Variants in SLC36A1 observed in about 807,000 individuals in gnomAD.
The protein encoded by SLC36A1 is proton-coupled amino acid transporter 1.
SLC36A1 carries 30 observed loss-of-function variants against 47.5 expected under a neutral mutation model. That is an observed-to-expected ratio of 0.63 (90% CI 0.47 to 0.86). SLC36A1 has a LOEUF of 0.86. Ranked by LOEUF, SLC36A1 falls within the 40% of genes least tolerant of loss-of-function variation. The pLI, the probability that SLC36A1 is intolerant of heterozygous loss-of-function variation, is 0.00. For missense variants in SLC36A1, 517 were observed against 606.0 expected, an observed-to-expected ratio of 0.85 and a Z score of 1.54; for synonymous variants, 255 against 249.7, an observed-to-expected ratio of 1.02 and a Z score of -0.20.
chr5:151,362,301 T>C, the SLC36A1 span, among the ~76,000 whole-genome samples: 1 of 152,158 alleles, frequency 6.6e-6, no homozygotes, highest in South Asian at 2.1e-4. Flanking sequence ...CCAAGCTCAC[T>C]GTTTCTATAT....
chr5:151,477,235 A>G (rs920474503), intron 9 of SLC36A1, among the ~76,000 whole-genome samples: 2 of 152,156 alleles, frequency 1.3e-5, no homozygotes, highest in African/African-American at 4.8e-5. Flanking sequence ...ATAGTGAGCC[A>G]TTTTGAAATG....
the SLC36A1 span, among the ~76,000 whole-genome samples, chr5:151,426,633 C>G: frequency 6.6e-6 from 1 of 152,096 alleles, no homozygotes; most frequent in African/African-American, 2.4e-5. Context: ...CATTCCATTC[C>G]CAGGGATGAG....
chr5:151,556,029 G>C, the SLC36A1 span, among the ~76,000 whole-genome samples: 1,466 of 152,308 alleles, frequency 9.6e-3, 21 homozygotes, highest in African/African-American at 0.034. Context: ...GATTCTGTCT[G>C]CCTGAGCCAG....
In SLC36A1 at chr5:151,458,326, A is replaced by ACACATACACTTG. The variant is rs1754951532; in HGVS notation, c.-5-462_-5-461insCACATACACTTG. Reference sequence around the variant, plus strand: ...CGTGTATATACGTATATATATATATATATATATGGGATATTTATATATATA... The same window carrying ACACATACACTTG: ...CGTGTATATACGTATATATATATATACACATACACTTGTATATATGGGATATTTATATATATA... On this transcript the variant is annotated intron_variant, in intron 1 of 10. Transcript: ENST00000243389. Among the ~76,000 whole-genome samples the ACACATACACTTG allele has an allele frequency of 2.4e-4, 25 of 103,992 alleles. 1 individual carries two copies. In the East Asian group the frequency reaches 8.7e-3, roughly 36 times the overall value. 68.2% of individuals were successfully genotyped at this position (103,992 alleles called of 152,430 possible).
the SLC36A1 span, among the ~76,000 whole-genome samples, chr5:151,346,027 G>A: frequency 5.9e-5 from 9 of 152,322 alleles, no homozygotes; most frequent in South Asian, 2.1e-4. Context: ...CAACCCCATC[G>A]TTGCCACGCT....
At chr5:151,393,068 T>G in the SLC36A1 span, among the ~76,000 whole-genome samples, 3 of 151,714 alleles carry the variant, frequency 2.0e-5, no homozygotes, top group African/African-American at 7.3e-5. Flanking sequence ...AGGACTTGCT[T>G]TATGAATCTG....
At chr5:151,546,451 T>C in the SLC36A1 span, 29 of 681,826 alleles carry the variant, frequency 4.3e-5, no homozygotes, top group African/African-American at 4.8e-4. Flanking sequence ...AAAATCTGCA[T>C]ATAGTGTATA....
Position 151,488,002 on chromosome 5 carries a change from C to G in SLC36A1, c.1179C>G (p.Ile393Met), listed in dbSNP as rs747809212. Residue 393 changes from isoleucine (I) to methionine (M), a missense_variant, in exon 11 of 11, where the codon ATC becomes ATG. Physicochemically the swap from Ile to Met is conservative, Grantham distance 10. Coordinates refer to ENST00000243389, the MANE Select transcript of SLC36A1 (RefSeq NM_078483.4). Reference sequence around the variant, plus strand: ...CTGCAGGCATCTTGGCCATCCTCATCCCCCGCCTGGACCTGGTCATCTCCC... The same window carrying G: ...CTGCAGGCATCTTGGCCATCCTCATGCCCCGCCTGGACCTGGTCATCTCCC... ...VCLTCILAIL[I>M]PRLDLVISLV... The G allele has an allele frequency of 1.3e-5, 21 of 1,613,978 alleles. No homozygotes were observed. The Admixed American group carries it at 2.3e-4, about 18-fold the overall frequency.
chr5:151,441,071 T>C (rs956726725), intron 1 of SLC36A1, among the ~76,000 whole-genome samples: 48 of 152,308 alleles, frequency 3.2e-4, no homozygotes, highest in South Asian at 4.1e-4. Flanking sequence ...AGAATTTGCA[T>C]TTCTGCAAGT....
the SLC36A1 span, chr5:151,553,406 C>G: frequency 1.2e-6 from 2 of 1,611,422 alleles, no homozygotes; most frequent in South Asian, 2.2e-5. Flanking sequence ...AGGCCAACAC[C>G]AAAACTGAGG....
chr5:151,449,301 G>A (rs1468938925), intron 1 of SLC36A1, among the ~76,000 whole-genome samples: 1 of 152,158 alleles, frequency 6.6e-6, no homozygotes, highest in East Asian at 1.9e-4. Flanking sequence ...TCTGACTCTT[G>A]TCTAGAGCCT....
At chr5:151,543,173 A>G in the SLC36A1 span, 67 of 1,614,024 alleles carry the variant, frequency 4.2e-5, no homozygotes, top group East Asian at 4.0e-4. Flanking sequence ...TGATTTTCCA[A>G]TCCCACCAGG....
At chr5:151,464,381 C>T in intron 3 of SLC36A1, 133 bp from the exon 4 acceptor site, 1 of 702,026 alleles carries the variant, frequency 1.4e-6, no homozygotes, top group Non-Finnish European at 2.5e-6. Flanking sequence ...CTCTCTAATG[C>T]TGGGCCCAAA....
intron 1 of SLC36A1, among the ~76,000 whole-genome samples, chr5:151,439,419 C>A (rs1047755167): frequency 3.3e-5 from 5 of 152,072 alleles, no homozygotes; most frequent in Admixed American, 1.3e-4. Context: ...CTTTGGGAAG[C>A]CAAGGTGGGC....
At chr5:151,534,655 A>G in the SLC36A1 span, 1 of 1,598,542 alleles carries the variant, frequency 6.3e-7, no homozygotes, top group Admixed American at 1.7e-5. Flanking sequence ...GGTCGGAGAA[A>G]TGACAAAAGT....
At chr5:151,539,296 G>A in the SLC36A1 span, among the ~76,000 whole-genome samples, 1 of 152,196 alleles carries the variant, frequency 6.6e-6, no homozygotes. Context: ...GGAAGAAAAG[G>A]TGAGGAGATA....
upstream of SLC36A1, among the ~76,000 whole-genome samples, chr5:151,446,972 T>C (rs1347881143): frequency 6.6e-6 from 1 of 152,236 alleles, no homozygotes; most frequent in Non-Finnish European, 1.5e-5. Flanking sequence ...TTTACAGTTG[T>C]GTCTTCTTGA....
chr5:151,389,527 A>G, the SLC36A1 span, among the ~76,000 whole-genome samples: 1 of 151,238 alleles, frequency 6.6e-6, no homozygotes, highest in African/African-American at 2.4e-5. Flanking sequence ...CGTCATTTAC[A>G]TTAGGTATAT....
the SLC36A1 span, chr5:151,544,402 G>A: frequency 1.2e-6 from 2 of 1,614,074 alleles, no homozygotes; most frequent in Non-Finnish European, 8.5e-7. Flanking sequence ...GGCTCTGACT[G>A]TGAACACATG....
Sources: allele counts gnomAD v4.1 joint callset (sites outside exome capture counted in the v4.1 genomes callset), GRCh38; gene constraint gnomAD v4.1.1; transcripts MANE v1.5; gene names NCBI Gene and HGNC (gene_info 2026-07-23, HGNC 2026-07-21).